Variants in PITPNC1 observed in about 807,000 individuals in gnomAD.
PITPNC1 encodes cytoplasmic phosphatidylinositol transfer protein 1.
Under a neutral mutation model 44.7 loss-of-function variants are expected in PITPNC1, and 18 were observed. The ratio of observed to expected loss-of-function variants is 0.40; its 90% CI spans 0.28 to 0.60. The LOEUF is 0.60. Among genes scored for constraint, PITPNC1 ranks in the 20% least tolerant of loss-of-function variants. The probability of loss-of-function intolerance (pLI) is 0.39; values close to 1 mark genes in which losing one functional copy is unlikely to be tolerated. For synonymous variants in PITPNC1, 141 were observed against 149.6 expected, an observed-to-expected ratio of 0.94 and a Z score of 0.42; for missense variants, 290 against 418.4, an observed-to-expected ratio of 0.69 and a Z score of 2.68.
At chr17:67,592,190 A>T (rs1009448872) in intron 5 of PITPNC1, among the ~76,000 whole-genome samples, 1 of 152,198 alleles carries the variant, frequency 6.6e-6, no homozygotes, top group African/African-American at 2.4e-5. Context: ...GATTATGTTC[A>T]GAAGGGTTAC....
intron 5 of PITPNC1, among the ~76,000 whole-genome samples, chr17:67,579,625 T>C (rs12936157): frequency 0.014 from 1,907 of 136,946 alleles, 25 homozygotes; most frequent in Non-Finnish European, 0.02. Context: ...TTTTTTTTTT[T>C]TTTTTTTTTT....
intron 1 of PITPNC1, among the ~76,000 whole-genome samples, chr17:67,399,311 C>G (rs1036841151): frequency 6.6e-6 from 1 of 152,206 alleles, no homozygotes; most frequent in Non-Finnish European, 1.5e-5. Context: ...CTGTGCCTGT[C>G]AGAGGGTAAA....
chr17:67,535,520 G>A lies in PITPNC1; in HGVS notation c.197+2570G>A, dbSNP rs1358929250. ...AAGTTTTGCTGAAACACAATAAGAG[G>A]CATCCAGCTCTCCCTGTCATGTCTG... On this transcript the variant is annotated intron_variant, in intron 2 of 8. Coordinates refer to ENST00000581322, the MANE Select transcript of PITPNC1 (RefSeq NM_012417.4). Among the ~76,000 whole-genome samples the A allele has an allele frequency of 5.9e-5, 9 of 152,064 alleles. No individual in the cohort carries two copies. In the East Asian group the frequency reaches 1.3e-3, roughly 23 times the overall value.
intron 1 of PITPNC1, among the ~76,000 whole-genome samples, chr17:67,529,348 G>A (rs2040431696): frequency 1.3e-5 from 2 of 152,236 alleles, no homozygotes; most frequent in Admixed American, 1.3e-4. Flanking sequence ...CCTGAAGATG[G>A]TCCAGTGGTG....
chr17:67,483,651 G>A (rs1328908127), intron 1 of PITPNC1, among the ~76,000 whole-genome samples: 1 of 152,104 alleles, frequency 6.6e-6, no homozygotes, highest in African/African-American at 2.4e-5. Context: ...AAATCCATCT[G>A]CCCATCTATC....
chr17:67,496,304 C>A (rs891901891), intron 1 of PITPNC1, among the ~76,000 whole-genome samples: 2 of 152,180 alleles, frequency 1.3e-5, no homozygotes, highest in Admixed American at 6.5e-5. Flanking sequence ...ACTACAAGTT[C>A]TTGTATGCGG....
intron 4 of PITPNC1, among the ~76,000 whole-genome samples, chr17:67,569,265 C>T (rs756266482): frequency 6.6e-6 from 1 of 152,160 alleles, no homozygotes; most frequent in Non-Finnish European, 1.5e-5. Context: ...CCAAAAATAG[C>T]TCTTTCATGT....
intron 1 of PITPNC1, among the ~76,000 whole-genome samples, chr17:67,492,440 C>A (rs753448425): frequency 1.3e-5 from 2 of 152,118 alleles, no homozygotes; most frequent in Non-Finnish European, 2.9e-5. Flanking sequence ...CACCAGAAAC[C>A]AAAAGAGGCA....
At chr17:67,516,490 A>G (rs982605457) in intron 1 of PITPNC1, among the ~76,000 whole-genome samples, 3 of 152,206 alleles carry the variant, frequency 2.0e-5, no homozygotes, top group Admixed American at 2.0e-4. Flanking sequence ...TATAGAAGCC[A>G]GGGCTCTGTA....
At chr17:67,513,477 A>ATGTGTG (rs10653914) in intron 1 of PITPNC1, among the ~76,000 whole-genome samples, 2 of 131,730 alleles carry the variant, frequency 1.5e-5, no homozygotes, top group Non-Finnish European at 3.1e-5. Flanking sequence ...TTTTTACTAT[A>ATGTGTG]TGTGTGTGTG....
At chr17:67,562,938 A>G (rs1256216139) in intron 4 of PITPNC1, among the ~76,000 whole-genome samples, 1 of 152,224 alleles carries the variant, frequency 6.6e-6, no homozygotes, top group Non-Finnish European at 1.5e-5. Flanking sequence ...GGTTCTACCA[A>G]CTGTCTGTAT....
intron 6 of PITPNC1, among the ~76,000 whole-genome samples, chr17:67,659,212 C>T (rs2042309259): frequency 6.6e-6 from 1 of 152,168 alleles, no homozygotes; most frequent in African/African-American, 2.4e-5. Flanking sequence ...TGTTGCTGAG[C>T]AACAGCCCCA....
intron 8 of PITPNC1, among the ~76,000 whole-genome samples, chr17:67,683,375 A>G (rs1024792239): frequency 6.6e-6 from 1 of 152,314 alleles, no homozygotes; most frequent in African/African-American, 2.4e-5. Flanking sequence ...TTGAGGTCAT[A>G]TATGTTGCAA....
chr17:67,580,445 A>G (rs957362828), intron 5 of PITPNC1, among the ~76,000 whole-genome samples: 40 of 152,100 alleles, frequency 2.6e-4, no homozygotes, highest in Admixed American at 1.4e-3. Context: ...TCCTGGGCTC[A>G]AGCAATCCTC....
At chr17:67,439,888 A>T (rs2038988012) in intron 1 of PITPNC1, among the ~76,000 whole-genome samples, 1 of 152,090 alleles carries the variant, frequency 6.6e-6, no homozygotes, top group South Asian at 2.1e-4. Context: ...AAGGAAAAAG[A>T]TAAAGAAAAA....
At chr17:67,604,425 C>T (rs887815252) in intron 5 of PITPNC1, among the ~76,000 whole-genome samples, 2 of 152,176 alleles carry the variant, frequency 1.3e-5, no homozygotes, top group Non-Finnish European at 2.9e-5. Flanking sequence ...GAAAGAGGAT[C>T]TGCGTAGGAA....
chr17:67,647,676 T>C (rs973880397), intron 6 of PITPNC1, among the ~76,000 whole-genome samples: 26 of 151,876 alleles, frequency 1.7e-4, no homozygotes, highest in African/African-American at 6.3e-4. Flanking sequence ...CTACAGACCC[T>C]AATTCAGAAA....
At chr17:67,528,743 C>T (rs1281286472) in intron 1 of PITPNC1, among the ~76,000 whole-genome samples, 1 of 152,196 alleles carries the variant, frequency 6.6e-6, no homozygotes, top group East Asian at 1.9e-4. Flanking sequence ...TCTTTTCTCC[C>T]CAGAGTCTGA....
intron 1 of PITPNC1, among the ~76,000 whole-genome samples, chr17:67,512,104 C>T (rs1442507788): frequency 1.3e-5 from 2 of 152,278 alleles, no homozygotes; most frequent in East Asian, 1.9e-4. Flanking sequence ...AGAGTGATGT[C>T]CAGCTCAGAA....
Sources: gnomAD v4.1 joint callset for allele counts (sites outside exome capture counted in the v4.1 genomes callset) on GRCh38, gnomAD v4.1.1 for gene constraint, MANE v1.5 for transcripts, NCBI Gene and HGNC (gene_info 2026-07-23, HGNC 2026-07-21) for gene names.